Variants in SCOC observed in about 807,000 individuals in gnomAD.
SCOC encodes the protein short coiled-coil protein, also known as short coiled coil protein.
A neutral mutation model predicts 9.9 loss-of-function variants in SCOC; 7 were observed. That is an observed-to-expected ratio of 0.71 (90% confidence interval 0.40 to 1.33). SCOC has a LOEUF of 1.33. Ranked by LOEUF, SCOC falls within the 40% of genes most tolerant of loss-of-function variation. SCOC has a pLI of 0.01. For synonymous variants in SCOC, 19 were observed against 28.2 expected (o/e 0.67, Z 1.03); for missense variants, 66 against 89.7 (o/e 0.74, Z 1.07).
At chr4:140,284,621 G>A (rs552848871) in intron 1 of SCOC, 2 of 152,604 alleles carry the variant, frequency 1.3e-5, no homozygotes, top group South Asian at 2.1e-4. Context: ...GCAGAGCTGC[G>A]CTCTGAAGCC....
intron 1 of SCOC, among the ~76,000 whole-genome samples, chr4:140,329,109 C>A (rs1457017435): frequency 1.3e-5 from 2 of 152,132 alleles, no homozygotes; most frequent in East Asian, 3.9e-4. Flanking sequence ...CGCACATAGA[C>A]CAGAGGAACA....
intron 1 of SCOC, 145 bp downstream of exon 1, chr4:140,373,862 A>G (rs71606893): frequency 0.017 from 15,458 of 900,962 alleles, 253 homozygotes; most frequent in Middle Eastern, 0.037. Context: ...GGGCCTGGGC[A>G]TTTGGTGGGC....
intron 1 of SCOC, among the ~76,000 whole-genome samples, chr4:140,299,071 G>A (rs1435561524): frequency 9.9e-5 from 15 of 152,122 alleles, no homozygotes; most frequent in Admixed American, 9.8e-4. Context: ...TCTCACCTCA[G>A]CCTCCCAAAG....
chr4:140,321,842 T>A (rs1732509213), intron 1 of SCOC, among the ~76,000 whole-genome samples: 1 of 152,196 alleles, frequency 6.6e-6, no homozygotes, highest in Non-Finnish European at 1.5e-5. Flanking sequence ...CCCCTCAGAT[T>A]CATGTGTTAA....
intron 1 of SCOC, among the ~76,000 whole-genome samples, chr4:140,287,288 A>T (rs1197434037): frequency 7.1e-6 from 1 of 141,134 alleles, no homozygotes; most frequent in African/African-American, 3.2e-5. Context: ...TGCCACACAG[A>T]CCATGCACAC....
At chr4:140,362,273 C>CTTCTTCTTCTTCTTCTTCTTCTTCTT in intron 2 of SCOC, among the ~76,000 whole-genome samples, 1 of 29,076 alleles carries the variant, frequency 3.4e-5, no homozygotes, top group Non-Finnish European at 7.6e-5. Flanking sequence ...ACAGGTGTGT[C>CTTCTTCTTCTTCTTCTTCTTCTTCTT]CTTACTTCTT....
At chr4:140,274,926 G>A (rs78752421) in intron 1 of SCOC, among the ~76,000 whole-genome samples, 4,131 of 152,188 alleles carry the variant, frequency 0.027, 89 homozygotes, top group South Asian at 0.075. Flanking sequence ...ATGCTAAAGG[G>A]TGTTAATCTT....
chr4:140,278,631 C>T (rs947935444), intron 1 of SCOC, among the ~76,000 whole-genome samples: 2 of 152,202 alleles, frequency 1.3e-5, no homozygotes, highest in African/African-American at 4.8e-5. Flanking sequence ...GCCTTCATGA[C>T]TTAGTCACCT....
At chr4:140,268,822 T>G (rs1730783184) in intron 1 of SCOC, among the ~76,000 whole-genome samples, 1 of 152,184 alleles carries the variant, frequency 6.6e-6, no homozygotes, top group Non-Finnish European at 1.5e-5. Flanking sequence ...ATCCCAGGCA[T>G]TGTAGATTAC....
At chr4:140,364,194 C>A (rs1727687516) in intron 2 of SCOC, among the ~76,000 whole-genome samples, 1 of 151,720 alleles carries the variant, frequency 6.6e-6, no homozygotes, top group African/African-American at 2.4e-5. Context: ...AAAGGCATAC[C>A]TACTGTGATG....
intron 2 of SCOC, among the ~76,000 whole-genome samples, chr4:140,344,916 C>T (rs761655908): frequency 4.6e-5 from 7 of 152,090 alleles, no homozygotes; most frequent in Non-Finnish European, 8.8e-5. Flanking sequence ...TTTTTTTCTG[C>T]ATGGGCTGAG....
chr4:140,353,450 C>T (rs1318432627), intron 2 of SCOC, among the ~76,000 whole-genome samples: 4 of 146,850 alleles, frequency 2.7e-5, no homozygotes, highest in Non-Finnish European at 3.0e-5. Context: ...CTCTCTCTGT[C>T]GCCAGGCTGG....
upstream of SCOC, chr4:140,373,633 C>G (rs769544228): frequency 5.2e-6 from 8 of 1,551,460 alleles, no homozygotes; most frequent in Non-Finnish European, 7.0e-6. Flanking sequence ...GCGGAGTGGG[C>G]GGAGCTGCCG....
intron 1 of SCOC, among the ~76,000 whole-genome samples, chr4:140,300,317 T>G (rs1731776628): frequency 6.6e-6 from 1 of 152,186 alleles, no homozygotes; most frequent in Admixed American, 6.5e-5. Context: ...CTGATCTCAG[T>G]CTGCCCTGCT....
intron 1 of SCOC, among the ~76,000 whole-genome samples, chr4:140,294,530 C>T (rs918750180): frequency 1.3e-5 from 2 of 152,128 alleles, no homozygotes; most frequent in East Asian, 1.9e-4. Context: ...CCCAGCTGAC[C>T]AACCAACTAA....
intron 2 of SCOC, among the ~76,000 whole-genome samples, chr4:140,350,961 C>T (rs1026022621): frequency 6.6e-6 from 1 of 151,348 alleles, no homozygotes; most frequent in Non-Finnish European, 1.5e-5. Flanking sequence ...AGGCTGAGGC[C>T]GGCAGATCGC....
chr4:140,275,201 A>G (rs750885241), intron 1 of SCOC, among the ~76,000 whole-genome samples: 1 of 152,206 alleles, frequency 6.6e-6, no homozygotes. Flanking sequence ...GTCTTTCCCT[A>G]TATACACAGA....
intron 1 of SCOC, chr4:140,314,192 A>G (rs977970518): frequency 4.7e-6 from 1 of 212,588 alleles, no homozygotes; most frequent in African/African-American, 2.3e-5. Context: ...GTTCAGCCCA[A>G]TTTTCCTTCC....
At chr4:140,330,412 C>A (rs913800723) in intron 1 of SCOC, among the ~76,000 whole-genome samples, 4 of 152,038 alleles carry the variant, frequency 2.6e-5, no homozygotes, top group Non-Finnish European at 5.9e-5. Flanking sequence ...CCCCCAAAGA[C>A]CTACTGAAAT....
Sources: gnomAD v4.1 joint callset for allele counts (sites outside exome capture counted in the v4.1 genomes callset) on GRCh38, gnomAD v4.1.1 for gene constraint, MANE v1.5 for transcripts, NCBI Gene and HGNC (gene_info 2026-07-23, HGNC 2026-07-21) for gene names.